TMIE: variants seen among roughly 807,000 people sequenced by gnomAD.
The protein encoded by TMIE is transmembrane inner ear, also known as transmembrane inner ear expressed protein.
TMIE carries 14 observed loss-of-function variants against 16.8 expected under a neutral mutation model. The ratio of observed to expected loss-of-function variants is 0.83; its 90% CI spans 0.55 to 1.30. The LOEUF (loss-of-function observed/expected upper bound fraction) is 1.30. TMIE is among the 50% of genes most tolerant of loss of function. The probability of loss-of-function intolerance (pLI) is 0.00; values close to 1 mark genes in which losing one functional copy is unlikely to be tolerated. For synonymous variants in TMIE, 75 were observed against 87.2 expected, an observed-to-expected ratio of 0.86 and a Z score of 0.78; for missense variants, 204 against 205.9, an observed-to-expected ratio of 0.99 and a Z score of 0.06.
rs1700598254 is a variant in TMIE at position 46,709,757 on chromosome 3, G to A, written c.*69G>A. ...CCGTGGCCGGGGTCCAGGCATGTTG[G>A]ACTCTGAGCTCATTTGGGGACCACA... On this transcript the variant is annotated 3_prime_UTR_variant, in exon 4 of 4. Transcript: ENST00000643606. 1 of 1,603,802 alleles carries A rather than the reference G, an allele frequency of 6.2e-7. No homozygotes were observed. Among genetic ancestry groups the A allele is most frequent in the Admixed American group, 1.7e-5 (1 of 57,784 alleles).
In TMIE at chr3:46,709,850, C is replaced by A. The variant is rs1700599165; in HGVS notation, c.*162C>A. 4 of 1,435,958 alleles carry A rather than the reference C, an allele frequency of 2.8e-6. No homozygotes were observed. Among genetic ancestry groups the A allele is most frequent in the Non-Finnish European group, 3.8e-6 (4 of 1,055,258 alleles). The allele number at this position is 1,435,958 out of a possible 1,614,324, so 89.0% of individuals were successfully genotyped here. A position where few individuals can be genotyped will look rare whatever the true frequency, so the allele number is the denominator to read the frequency against. ...CCTCATGGCCCATCAGGGGCAGGAA[C>A]CAGACAATCTCGTAGGTGTCCTGCC... is the stretch of plus-strand genomic sequence containing the variant. On this transcript the variant is annotated 3_prime_UTR_variant, in exon 4 of 4. Transcript: ENST00000643606.
intron 2 of TMIE, among the ~76,000 whole-genome samples, chr3:46,707,833 T>C (rs1700571370): frequency 6.6e-6 from 1 of 152,122 alleles, no homozygotes; most frequent in Non-Finnish European, 1.5e-5. Context: ...GTGGGCATAG[T>C]CCCAAGGAGG....
chr3:46,702,094 G>T (rs879580780), intron 1 of TMIE, among the ~76,000 whole-genome samples: 2 of 152,110 alleles, frequency 1.3e-5, no homozygotes, highest in African/African-American at 4.8e-5. Context: ...TGGAGACGAG[G>T]GCATTCCAAG....
intron 1 of TMIE, among the ~76,000 whole-genome samples, chr3:46,702,341 A>G (rs996541167): frequency 1.3e-5 from 2 of 152,120 alleles, no homozygotes; most frequent in Non-Finnish European, 2.9e-5. Flanking sequence ...AGCTGCTGAG[A>G]TAGCACAGAA....
intron 2 of TMIE, among the ~76,000 whole-genome samples, chr3:46,708,450 G>T (rs1413822760): frequency 6.6e-6 from 1 of 152,242 alleles, no homozygotes; most frequent in East Asian, 1.9e-4. Context: ...AGTCCAGCCA[G>T]GTCCTGGCAG....
chr3:46,709,551 C>T lies in TMIE; in HGVS notation c.362-28C>T, dbSNP rs1477813488. 2.5e-6 allele frequency: 4 copies of T among 1,613,082 alleles called. No homozygotes were observed. The South Asian group carries it at 4.4e-5, about 18-fold the overall frequency. On this transcript the variant is annotated intron_variant, in intron 3 of 3. Transcript: ENST00000643606. ...CCCCAGGACCTTGTCTCACCACTATCACATGGTCTCTTCCCCCTGCCCCAC... is the reference window on the plus strand; with the variant it reads ...CCCCAGGACCTTGTCTCACCACTATTACATGGTCTCTTCCCCCTGCCCCAC...
chr3:46,709,571 C>A lies in TMIE; in HGVS notation c.362-8C>A, dbSNP rs1373927084. ...ACTATCACATGGTCTCTTCCCCCTG[C>A]CCCACAGAGGATAAGAAGAAGAAGA... On this transcript the variant is annotated splice_region_variant and splice_polypyrimidine_tract_variant and intron_variant, in intron 3 of 3. Coordinates refer to ENST00000643606, the MANE Select transcript of TMIE (RefSeq NM_147196.3). 4.9e-5 allele frequency: 78 copies of A among 1,591,336 alleles called. No homozygotes were observed. The highest frequency in any genetic ancestry group is 6.6e-5 in the Non-Finnish European group (77 of 1,174,144).
At chr3:46,697,651 G>A (rs150768788), upstream of TMIE, among the ~76,000 whole-genome samples, 24 of 152,236 alleles carry the variant, frequency 1.6e-4, no homozygotes, top group African/African-American at 4.1e-4. Context: ...GAACCCCAGC[G>A]TGAAGCCAGT....
intron 1 of TMIE, among the ~76,000 whole-genome samples, chr3:46,695,060 C>G (rs1700375370): frequency 6.6e-6 from 1 of 152,160 alleles, no homozygotes; most frequent in Admixed American, 6.5e-5. Context: ...GGGAAAGCCT[C>G]CCCTCCCCAT....
At chr3:46,699,564 A>G (rs1700446372), upstream of TMIE, among the ~76,000 whole-genome samples, 2 of 152,214 alleles carry the variant, frequency 1.3e-5, no homozygotes, top group Non-Finnish European at 2.9e-5. Context: ...AGTTCTGGGT[A>G]CAAAAGTATA....
chr3:46,709,855 C>T lies in TMIE; in HGVS notation c.*167C>T. 7.1e-7 allele frequency: 1 copy of T among 1,411,732 alleles called. No individual in the cohort carries two copies. The highest frequency in any genetic ancestry group is 9.6e-7 in the Non-Finnish European group (1 of 1,036,666). 87.5% of individuals were successfully genotyped at this position (1,411,732 alleles called of 1,614,324 possible). A position where few individuals can be genotyped will look rare whatever the true frequency, so the allele number is the denominator to read the frequency against. The stretch of plus-strand genomic sequence containing the variant: ...TGGCCCATCAGGGGCAGGAACCAGA[C>T]AATCTCGTAGGTGTCCTGCCCCCCA... On this transcript the variant is annotated 3_prime_UTR_variant, in exon 4 of 4. Transcript: ENST00000643606.
intron 1 of TMIE, among the ~76,000 whole-genome samples, chr3:46,695,058 C>T (rs1700375192): frequency 1.3e-5 from 2 of 152,194 alleles, no homozygotes; most frequent in East Asian, 1.9e-4. Context: ...CTGGGAAAGC[C>T]TCCCCTCCCC....
chr3:46,705,965 GC>G, intron 2 of TMIE, 58 bp downstream of exon 2: 2 of 1,545,686 alleles, frequency 1.3e-6, no homozygotes, highest in Non-Finnish European at 1.8e-6. Context: ...AGCACCCCCT[GC>G]CCCCCAGAGG....
At chr3:46,706,005 A>G in intron 2 of TMIE, 98 bp downstream of exon 2, 1 of 1,291,100 alleles carries the variant, frequency 7.7e-7, no homozygotes, top group Admixed American at 1.7e-5. Context: ...GGGCAGTGCA[A>G]GTAGGCCAGG....
At chr3:46,704,499 G>A (rs1700521980) in intron 1 of TMIE, among the ~76,000 whole-genome samples, 1 of 127,578 alleles carries the variant, frequency 7.8e-6, no homozygotes, top group African/African-American at 3.2e-5. Flanking sequence ...GCCCAGGGCA[G>A]GACCGTGTCC....
In TMIE at chr3:46,701,473, C is replaced by T. The variant is rs2106775498; in HGVS notation, c.-15C>T. The T allele has an allele frequency of 1.5e-6, 2 of 1,365,144 alleles. No homozygotes were observed. The highest frequency in any genetic ancestry group is 1.9e-6 in the Non-Finnish European group (2 of 1,061,382). 84.6% of individuals were successfully genotyped at this position (1,365,144 alleles called of 1,614,324 possible). On this transcript the variant is annotated 5_prime_UTR_variant, in exon 1 of 4. Transcript: ENST00000643606. This position sits in a 1 kb window ranked among gnomAD's most constrained non-coding sequence, Gnocchi z 4.3. ...GTTCGTCCCTGGGCTCCGCAAGCGG[C>T]GCGGTGGCACGAAGATGGCGGGGTG...
intron 1 of TMIE, among the ~76,000 whole-genome samples, chr3:46,703,985 C>G (rs576896213): frequency 6.6e-6 from 1 of 152,286 alleles, no homozygotes; most frequent in East Asian, 1.9e-4. Context: ...CTCTCCCTGT[C>G]CCTCAGCCAC....
chr3:46,706,735 G>C (rs1700557197), intron 2 of TMIE, among the ~76,000 whole-genome samples: 1 of 152,332 alleles, frequency 6.6e-6, no homozygotes, highest in Admixed American at 6.5e-5. Context: ...TTGCAGGAGG[G>C]AAGGCTGGAA....
intron 2 of TMIE, among the ~76,000 whole-genome samples, chr3:46,708,264 C>G (rs1439241590): frequency 6.6e-6 from 1 of 152,228 alleles, no homozygotes; most frequent in East Asian, 1.9e-4. Flanking sequence ...CTACATAGAT[C>G]TGATCCATCT....
Sources: gnomAD v4.1 joint callset for allele counts (sites outside exome capture counted in the v4.1 genomes callset) on GRCh38, gnomAD v4.1.1 for gene constraint, Gnocchi (gnomAD v3.1) non-coding constraint, MANE v1.5 for transcripts, NCBI Gene and HGNC (gene_info 2026-07-23, HGNC 2026-07-21) for gene names.